Variants in NUMA1 observed in about 807,000 individuals in gnomAD.
NUMA1 encodes the protein nuclear mitotic apparatus protein 1.
In NUMA1, 62 loss-of-function variants were observed where a neutral mutation model predicts 237.1. The ratio of observed to expected loss-of-function variants is 0.26; its 90% CI spans 0.21 to 0.32. NUMA1 has a LOEUF of 0.32. Ranked by LOEUF, NUMA1 falls within the 10% of genes least tolerant of loss-of-function variation. The probability of loss-of-function intolerance (pLI) is 1.00; values close to 1 mark genes in which losing one functional copy is unlikely to be tolerated. For synonymous variants in NUMA1, 1,028 were observed against 1,066.1 expected (o/e 0.96, Z 0.70); for missense variants, 2,533 against 2,666.5 (o/e 0.95, Z 1.10).
chr11:72,007,241 G>A lies in NUMA1; in HGVS notation c.5411C>T (p.Thr1804Ile). The change falls in exon 21 of 27, where the codon ACC (threonine) becomes ATC (isoleucine). Residue 1804 changes from threonine (T) to isoleucine (I), a missense_variant. Thr to Ile is a moderately conservative substitution (Grantham distance 89, BLOSUM62 -1). Around this residue, in one of 3 missense-constraint regions of NUMA1, gnomAD observed 795 missense variants for 750.8 expected, o/e 1.06. Coordinates refer to ENST00000393695, the MANE Select transcript of NUMA1 (RefSeq NM_006185.4). ...GDVFLDSGRKTRSARRRTTQI... is the reference protein window; with the variant it reads ...GDVFLDSGRKIRSARRRTTQI... The stretch of plus-strand genomic sequence containing the variant: ...CGTGGTGCGCCGACGAGCGGAGCGG[G>A]TCTTACGACCCGAGTCCAGGAAGAC... The A allele has an allele frequency of 6.2e-7, 1 of 1,613,072 alleles. No individual in the cohort carries two copies. Among genetic ancestry groups the A allele is most frequent in the Non-Finnish European group, 8.5e-7 (1 of 1,179,914 alleles).
At chr11:72,042,738 T>C (rs528774882) in intron 2 of NUMA1, among the ~76,000 whole-genome samples, 87 of 152,270 alleles carry the variant, frequency 5.7e-4, no homozygotes, top group African/African-American at 2.0e-3. Context: ...TATTCTGATA[T>C]ATACCTGAAT....
chr11:72,034,632 C>G (rs557147900), intron 3 of NUMA1, among the ~76,000 whole-genome samples: 1 of 151,826 alleles, frequency 6.6e-6, no homozygotes, highest in African/African-American at 2.4e-5. Context: ...TGCTTGAACC[C>G]AGGAGGCAGA....
chr11:72,005,835 T>A (rs1955647708), intron 22 of NUMA1, 200 bp downstream of exon 22: 1 of 589,814 alleles, frequency 1.7e-6, no homozygotes, highest in African/African-American at 1.9e-5. Context: ...TAACTCTGGC[T>A]AAGAGTGCCC....
At chr11:72,051,166 C>T (rs753571605) in intron 2 of NUMA1, among the ~76,000 whole-genome samples, 2 of 152,078 alleles carry the variant, frequency 1.3e-5, no homozygotes, top group African/African-American at 2.4e-5. Flanking sequence ...TGGAATTAAA[C>T]GGTGTGAGCC....
chr11:72,075,075 A>T (rs1943648724), intron 1 of NUMA1, among the ~76,000 whole-genome samples: 1 of 151,798 alleles, frequency 6.6e-6, no homozygotes, highest in African/African-American at 2.4e-5. Context: ...AATAAAAATA[A>T]TATACAATAC....
intron 2 of NUMA1, among the ~76,000 whole-genome samples, chr11:72,046,232 G>A (rs1445578085): frequency 2.0e-5 from 3 of 152,210 alleles, no homozygotes; most frequent in Non-Finnish European, 1.5e-5. Flanking sequence ...AGCGGGAAAG[G>A]AGTGGTAAAA....
At chr11:72,033,854 CT>C (rs1455389929) in intron 3 of NUMA1, among the ~76,000 whole-genome samples, 1 of 152,118 alleles carries the variant, frequency 6.6e-6, no homozygotes, top group African/African-American at 2.4e-5. Flanking sequence ...AACCCAGTCT[CT>C]ACCAAAAATA....
intron 4 of NUMA1, among the ~76,000 whole-genome samples, chr11:72,028,204 T>C (rs1159260905): frequency 6.6e-6 from 1 of 152,148 alleles, no homozygotes; most frequent in Admixed American, 6.5e-5. Flanking sequence ...ACCTAAACAA[T>C]GTAGCATCCT....
Position 72,008,693 on chromosome 11 carries a change from G to A in NUMA1, c.5211C>T (p.Ile1737=), listed in dbSNP as rs1286061097. The change falls in exon 20 of 27, where the codon ATC becomes ATT. Residue 1737 remains isoleucine (I), a synonymous_variant. Coordinates refer to ENST00000393695, the MANE Select transcript of NUMA1 (RefSeq NM_006185.4). ...LSCEEGTPLS[I]TSKLPRTQPD... Reference sequence around the variant, plus strand: ...GAGGAAGGCTGCCTCCTGACCTGGTGATACTGAGTGGGGTCCCCTCCTCGC... The same window carrying A: ...GAGGAAGGCTGCCTCCTGACCTGGTAATACTGAGTGGGGTCCCCTCCTCGC... 1.2e-6 allele frequency: 2 copies of A among 1,614,058 alleles called. No individual in the cohort carries two copies. The highest frequency in any genetic ancestry group is 1.7e-6 in the Non-Finnish European group (2 of 1,180,042).
intron 4 of NUMA1, chr11:72,024,612 A>C: frequency 2.1e-6 from 1 of 483,084 alleles, no homozygotes; most frequent in East Asian, 3.8e-5. Context: ...ATTTGCAAAC[A>C]TAAAAAAGCT....
intron 1 of NUMA1, among the ~76,000 whole-genome samples, chr11:72,076,390 A>G (rs1215993625): frequency 1.3e-5 from 2 of 152,122 alleles, no homozygotes; most frequent in Non-Finnish European, 2.9e-5. Flanking sequence ...AAAATAAAAT[A>G]AAATAAAATA....
intron 1 of NUMA1, among the ~76,000 whole-genome samples, chr11:72,073,541 T>C (rs1046112444): frequency 1.3e-5 from 2 of 152,126 alleles, no homozygotes; most frequent in East Asian, 3.8e-4. Flanking sequence ...ATTTCAAATA[T>C]GGAGGAAGAA....
At chr11:72,049,583 A>ATATATATATATATATATATATT (rs71052844) in intron 2 of NUMA1, 3 of 22,554 alleles carry the variant, frequency 1.3e-4, no homozygotes, top group Non-Finnish European at 3.4e-4. Flanking sequence ...ATATATATAT[A>ATATATATATATATATATATATT]GTGTGTGTGT....
At chr11:72,050,413 CAGAT>C (rs778947114) in intron 2 of NUMA1, among the ~76,000 whole-genome samples, 5 of 152,120 alleles carry the variant, frequency 3.3e-5, no homozygotes, top group Admixed American at 6.6e-5. Context: ...AACAGGAAGA[CAGAT>C]AGCCTCAAGA....
chr11:72,012,232 A>G (rs1298004957), intron 16 of NUMA1, 169 bp downstream of exon 16: 1 of 657,796 alleles, frequency 1.5e-6, no homozygotes, highest in Non-Finnish European at 2.7e-6. Context: ...GAGAGAGCCC[A>G]GCACACCACA....
intron 1 of NUMA1, among the ~76,000 whole-genome samples, chr11:72,075,190 T>C (rs907305849): frequency 1.3e-5 from 2 of 152,162 alleles, no homozygotes; most frequent in African/African-American, 4.8e-5. Context: ...TATTAAGGTA[T>C]TGTCTCTCAG....
chr11:72,023,049 G>A lies in NUMA1; in HGVS notation c.291+16C>T. 1 of 1,600,020 alleles carries A rather than the reference G, an allele frequency of 6.2e-7. No individual in the cohort carries two copies. The highest frequency in any genetic ancestry group is 1.1e-5 in the South Asian group (1 of 90,752). ...CAACCCTGCCCTGCCTCCCCAGTCT[G>A]GTATTCCATAGGTACCTTCGCCAGT... On this transcript the variant is annotated intron_variant, in intron 6 of 26. Coordinates refer to ENST00000393695, the MANE Select transcript of NUMA1 (RefSeq NM_006185.4).
Position 72,009,248 on chromosome 11 carries a change from G to T in NUMA1, c.4839+20C>A. On this transcript the variant is annotated intron_variant, in intron 18 of 26. Coordinates refer to ENST00000393695, the MANE Select transcript of NUMA1 (RefSeq NM_006185.4). ...GAAGGGCAGGAGGAAGGTGGCATGGGCTGGGGCTGGGCTCCTTACCTGCAG... is the reference window on the plus strand; with the variant it reads ...GAAGGGCAGGAGGAAGGTGGCATGGTCTGGGGCTGGGCTCCTTACCTGCAG... 1 of 1,607,582 alleles carries T rather than the reference G, an allele frequency of 6.2e-7. No homozygotes were observed. The highest frequency in any genetic ancestry group is 2.2e-5 in the East Asian group (1 of 44,708).
chr11:72,069,929 G>A lies in NUMA1; in HGVS notation c.-102-18C>T, dbSNP rs1943370595. ...GTTTCCACCTAGGGAAGGGGCAAAG[G>A]GACAGGAATGATTATTCATTCCCCT... On this transcript the variant is annotated intron_variant, in intron 1 of 26. Coordinates refer to ENST00000393695, the MANE Select transcript of NUMA1 (RefSeq NM_006185.4). 6.6e-6 allele frequency: 1 copy of A among 152,174 alleles called. No individual in the cohort carries two copies. The highest frequency in any genetic ancestry group is 1.5e-5 in the Non-Finnish European group (1 of 68,072). The allele number at this position is 152,174 out of a possible 1,614,324, so 9.4% of individuals were successfully genotyped here.
Sources: gnomAD v4.1 joint callset for allele counts (sites outside exome capture counted in the v4.1 genomes callset) on GRCh38, gnomAD v4.1.1 for gene constraint, gnomAD v4.1.1 regional missense constraint, MANE v1.5 for transcripts, NCBI Gene and HGNC (gene_info 2026-07-23, HGNC 2026-07-21) for gene names.